AMPD3: variants seen among roughly 807,000 people sequenced by gnomAD.
AMPD3 encodes the protein adenosine monophosphate deaminase 3.
In AMPD3, 57 loss-of-function variants were observed where a neutral mutation model predicts 82.3. The observed-to-expected ratio is 0.69, with a 90% confidence interval of 0.56 to 0.86. The LOEUF is 0.86. Ranked by LOEUF, AMPD3 falls within the 40% of genes least tolerant of loss-of-function variation. The probability of loss-of-function intolerance (pLI) is 0.00; values close to 1 mark genes in which losing one functional copy is unlikely to be tolerated. For missense variants in AMPD3, 870 were observed against 1,003.8 expected (o/e 0.87, Z 1.80); for synonymous variants, 381 against 394.7 (o/e 0.97, Z 0.41).
At chr11:10,488,246 C>G (rs138721224) in intron 6 of AMPD3, 3 of 985,330 alleles carry the variant, frequency 3.0e-6, no homozygotes, top group Non-Finnish European at 3.6e-6. Flanking sequence ...TTTGCTGAAG[C>G]GCTGTGCAGT....
At chr11:10,455,251 T>C (rs934195926), upstream of AMPD3, 1 of 985,448 alleles carries the variant, frequency 1.0e-6, no homozygotes, top group Non-Finnish European at 1.2e-6. Context: ...ATGTGTCTGT[T>C]CTGAGCCTTC....
chr11:10,455,715 A>C (rs1848072840), intron 1 of AMPD3, among the ~76,000 whole-genome samples: 1 of 152,116 alleles, frequency 6.6e-6, no homozygotes, highest in Admixed American at 6.5e-5. Flanking sequence ...AGGTGGAAGC[A>C]GTTCATGGTC....
At chr11:10,496,986 G>A in intron 10 of AMPD3, 48 bp downstream of exon 10, 1 of 1,605,932 alleles carries the variant, frequency 6.2e-7, no homozygotes. Context: ...GCAGAGGCAG[G>A]AATGGATTCG....
rs1848812157 is a variant in AMPD3 at position 10,478,662 on chromosome 11, C to T, written c.358C>T (p.Pro120Ser). 1 of 1,614,096 alleles carries T rather than the reference C, an allele frequency of 6.2e-7. No homozygotes were observed. The highest frequency in any genetic ancestry group is 1.7e-5 in the Admixed American group (1 of 60,008). ...TPVVTGATSL[P>S]TPAPYAMPEF... ...TGTGGTCACTGGAGCCACTTCCCTG[C>T]CCACGCCAGCACCCTATGCCATGCC... Residue 120 changes from proline (P) to serine (S), a missense_variant, in exon 3 of 15, where the codon CCC (proline) becomes TCC (serine). Physicochemically the swap from Pro to Ser is moderately conservative, Grantham distance 74. Coordinates refer to ENST00000396553, the MANE Select transcript of AMPD3 (RefSeq NM_001025389.2).
Position 10,506,188 on chromosome 11 carries a change from G to T in AMPD3, c.*304G>T. 1 of 400,966 alleles carries T rather than the reference G, an allele frequency of 2.5e-6. No individual in the cohort carries two copies. Among genetic ancestry groups the T allele is most frequent in the Non-Finnish European group, 4.7e-6 (1 of 213,692 alleles). The allele number at this position is 400,966 out of a possible 1,614,324, so 24.8% of individuals were successfully genotyped here. ...CCAGTGCCTGAACTGTTGGGGCCAG[G>T]ATTTTCCCTGGTCAGATGCCAAGTA... On this transcript the variant is annotated 3_prime_UTR_variant, in exon 15 of 15. Coordinates refer to ENST00000396553, the MANE Select transcript of AMPD3 (RefSeq NM_001025389.2). This position sits in a 1 kb window ranked among gnomAD's most constrained non-coding sequence, Gnocchi z 4.1.
In AMPD3 at chr11:10,500,224, A is replaced by G; in HGVS notation, c.1696A>G (p.Ile566Val). Residue 566 changes from isoleucine (I) to valine (V), a missense_variant, in exon 11 of 15, where the codon ATC becomes GTC. Ile to Val is a conservative substitution (Grantham distance 29, BLOSUM62 3). Transcript: ENST00000396553. ...CTACCTGTACTACATGTATGCCAAC[A>G]TCATGGTGCTCAACAACCTCCGCAG... ...SYYLYYMYAN[I>V]MVLNNLRRER... 1 of 1,614,224 alleles carries G rather than the reference A, an allele frequency of 6.2e-7. No individual in the cohort carries two copies.
chr11:10,456,232 T>G lies in AMPD3; in HGVS notation c.-6+784T>G, dbSNP rs1848088744. On this transcript the variant is annotated intron_variant, in intron 1 of 14. Coordinates refer to ENST00000396553, the MANE Select transcript of AMPD3 (RefSeq NM_001025389.2). This position sits in a 1 kb window ranked among gnomAD's most constrained non-coding sequence, Gnocchi z 4.3. ...CCAGGCTTTTCCTGCTCTGGCTCAC[T>G]GCTGCTCACAGATATGCAAAACAGA... 32 of 1,488,454 alleles carry G rather than the reference T, an allele frequency of 2.1e-5. No individual in the cohort carries two copies. In the South Asian group the frequency reaches 4.4e-4, roughly 20 times the overall value. The allele number at this position is 1,488,454 out of a possible 1,614,324, so 92.2% of individuals were successfully genotyped here.
intron 2 of AMPD3, among the ~76,000 whole-genome samples, chr11:10,463,032 G>A (rs577261527): frequency 5.3e-5 from 8 of 152,208 alleles, no homozygotes; most frequent in Non-Finnish European, 1.2e-4. Flanking sequence ...GAAATGAGAA[G>A]CCCTCATCCT....
Position 10,507,430 on chromosome 11 carries a change from A to G in AMPD3, c.*1546A>G, listed in dbSNP as rs1024319951. ...CAGCTAATTATGAAATTGAATGAAA[A>G]TCCATTGTTATCTTAGGGATTAGTT... On this transcript the variant is annotated 3_prime_UTR_variant, in exon 15 of 15. Transcript: ENST00000396553. 2 of 151,816 alleles carry G rather than the reference A, an allele frequency of 1.3e-5. No individual in the cohort carries two copies. Among genetic ancestry groups the G allele is most frequent in the Non-Finnish European group, 2.9e-5 (2 of 68,040 alleles). The allele number at this position is 151,816 out of a possible 1,614,324, so 9.4% of individuals were successfully genotyped here.
At chr11:10,478,914 CGGT>C (rs939850642) in intron 3 of AMPD3, among the ~76,000 whole-genome samples, 184 bp downstream of exon 3, 1 of 149,990 alleles carries the variant, frequency 6.7e-6, no homozygotes, top group African/African-American at 2.5e-5. Context: ...TGTGGTGTCT[CGGT>C]GGCTGCCTGT....
At chr11:10,478,028 T>G (rs1848790459) in intron 2 of AMPD3, 2 of 985,316 alleles carry the variant, frequency 2.0e-6, no homozygotes. Context: ...ATGCCCCAAA[T>G]GTCTAACTGT....
intron 13 of AMPD3, chr11:10,504,115 CATCT>C (rs67633984): frequency 0.021 from 14,171 of 686,862 alleles, 214 homozygotes; most frequent in African/African-American, 0.06. Flanking sequence ...GTACTTTACT[CATCT>C]ATCTATCTAT....
chr11:10,504,675 G>T lies in AMPD3; in HGVS notation c.2127+16G>T. On this transcript the variant is annotated intron_variant, in intron 14 of 14. Coordinates refer to ENST00000396553, the MANE Select transcript of AMPD3 (RefSeq NM_001025389.2). ...CTCGCATCAGGTATGGAGTGTGACG[G>T]TGCTGCCTGTGTCCCTCCTGGGAAG... is the stretch of plus-strand genomic sequence containing the variant. 1 of 1,609,870 alleles carries T rather than the reference G, an allele frequency of 6.2e-7. No homozygotes were observed.
intron 13 of AMPD3, among the ~76,000 whole-genome samples, chr11:10,503,443 C>G (rs969927141): frequency 6.6e-6 from 1 of 152,148 alleles, no homozygotes; most frequent in Non-Finnish European, 1.5e-5. Flanking sequence ...GTCGACAAGA[C>G]CAGCCATTGC....
intron 7 of AMPD3, among the ~76,000 whole-genome samples, chr11:10,494,299 G>A (rs943719107): frequency 2.6e-5 from 4 of 152,224 alleles, no homozygotes; most frequent in Non-Finnish European, 5.9e-5. Context: ...GAAACAGAAA[G>A]GAGAGTAGAA....
rs746982689 is a variant in AMPD3 at position 10,461,607 on chromosome 11, C to T, written c.88C>T (p.Arg30Ter). 1.2e-5 allele frequency: 19 copies of T among 1,614,092 alleles called. No individual in the cohort carries two copies. The highest frequency in any genetic ancestry group is 4.0e-5 in the African/African-American group (3 of 74,920). ...GGAGAAGGTGTTTGCTAAAGTGCTCCGAGAAGAGGACAGCAAAGATGCCCT... is the reference window on the plus strand; with the variant it reads ...GGAGAAGGTGTTTGCTAAAGTGCTCTGAGAAGAGGACAGCAAAGATGCCCT... Reference protein sequence around the residue: ...LAEKVFAKVLREEDSKDALSL... With the variant: ...LAEKVFAKVL Residue 30 changes from arginine to a stop codon, truncating the protein, a stop_gained, in exon 2 of 15, where the codon CGA becomes TGA. Transcript: ENST00000396553. LOFTEE classifies it high-confidence loss of function.
intron 2 of AMPD3, among the ~76,000 whole-genome samples, chr11:10,475,063 G>T (rs914534585): frequency 6.6e-6 from 1 of 152,162 alleles, no homozygotes; most frequent in African/African-American, 2.4e-5. Flanking sequence ...AAATAATGAG[G>T]TATAATTGGC....
chr11:10,466,538 C>T (rs1454638136), intron 2 of AMPD3, among the ~76,000 whole-genome samples: 1 of 152,156 alleles, frequency 6.6e-6, no homozygotes, highest in Non-Finnish European at 1.5e-5. Flanking sequence ...GCAGCAGCCC[C>T]AATCAGGGAC....
chr11:10,467,079 G>A (rs749916547), intron 2 of AMPD3, among the ~76,000 whole-genome samples: 7 of 152,288 alleles, frequency 4.6e-5, no homozygotes, highest in South Asian at 4.1e-4. Context: ...CAAAAAGGCT[G>A]AAAATTCCAA....
Sources: gnomAD v4.1 joint callset for allele counts (sites outside exome capture counted in the v4.1 genomes callset) on GRCh38, gnomAD v4.1.1 for gene constraint, Gnocchi (gnomAD v3.1) non-coding constraint, MANE v1.5 for transcripts, NCBI Gene and HGNC (gene_info 2026-07-23, HGNC 2026-07-21) for gene names.